The following MKKS variants were observed in gnomAD, a reference collection of about 807,000 sequenced individuals.
MKKS encodes the protein molecular chaperone MKKS.
MKKS carries 29 observed loss-of-function variants against 33.2 expected under a neutral mutation model. The observed-to-expected ratio is 0.87, with a 90% CI of 0.65 to 1.19. The LOEUF (loss-of-function observed/expected upper bound fraction) is 1.19, where lower values mean the gene tolerates loss of function less well. Among genes scored for constraint, MKKS ranks in the 50% most tolerant of loss-of-function variants. MKKS has a pLI of 0.00. For missense variants in MKKS, 661 were observed against 662.3 expected (o/e 1.00, Z 0.02); for synonymous variants, 260 against 244.0 (o/e 1.07, Z -0.61).
In MKKS at chr20:10,404,005, T is replaced by C. The variant is rs988891072; in HGVS notation, c.*1242A>G. ...CTCTTTATCATGGCTATAGATCTGA[T>C]CATTGACTATTAGGTTGGTTTGTTT... On this transcript the variant is annotated 3_prime_UTR_variant, in exon 6 of 6. Transcript: ENST00000347364. The C allele has an allele frequency of 6.6e-6, 1 of 152,200 alleles. No individual in the cohort carries two copies. Among genetic ancestry groups the C allele is most frequent in the Admixed American group, 6.5e-5 (1 of 15,278 alleles). 9.4% of individuals were successfully genotyped at this position (152,200 alleles called of 1,614,324 possible).
In MKKS at chr20:10,427,029, G is replaced by GACACACACACAGACACAC. The variant is rs1226255722; in HGVS notation, c.-648-6272_-648-6271insGTGTGTCTGTGTGTGTGT. On this transcript the variant is annotated intron_variant, in intron 1 of 5. Coordinates refer to ENST00000347364, the MANE Select transcript of MKKS (RefSeq NM_170784.3). The stretch of plus-strand genomic sequence containing the variant: ...TTAAAGGCCAAGAAAAGAAAACACT[G>GACACACACACAGACACAC]ACACACACACACACACACACACACA... Among the ~76,000 whole-genome samples the GACACACACACAGACACAC allele has an allele frequency of 6.5e-3, 854 of 130,762 alleles. 13 individuals carry two copies. Among genetic ancestry groups the GACACACACACAGACACAC allele is most frequent in the African/African-American group, 9.6e-3 (310 of 32,284 alleles). 85.8% of individuals were successfully genotyped at this position (130,762 alleles called of 152,430 possible). A position where few individuals can be genotyped will look rare whatever the true frequency, so the allele number is the denominator to read the frequency against.
chr20:10,427,087 G>A (rs78489892), intron 1 of MKKS, among the ~76,000 whole-genome samples: 3 of 106,374 alleles, frequency 2.8e-5, no homozygotes, highest in Admixed American at 2.7e-4. Flanking sequence ...CACAAAGTAA[G>A]GTTAAGGGCA....
At chr20:10,432,688 C>G (rs1433242510) in intron 1 of MKKS, among the ~76,000 whole-genome samples, 1 of 147,758 alleles carries the variant, frequency 6.8e-6, no homozygotes, top group Admixed American at 6.9e-5. Flanking sequence ...CAAACTTCTC[C>G]GGAGGCTAAG....
rs201243884 is a variant in MKKS at position 10,412,886 on chromosome 20, A to G, written c.629T>C (p.Ile210Thr). The G allele has an allele frequency of 1.5e-5, 24 of 1,614,132 alleles. No homozygotes were observed. The East Asian group carries it at 2.9e-4, about 19-fold the overall frequency. The change falls in exon 3 of 6, where the codon ATA (isoleucine) becomes ACA (threonine). Residue 210 changes from isoleucine to threonine, a missense_variant. Transcript: ENST00000347364. ...LIVPLKGQRV[I>T]DSTVLPGILI... is the part of the protein sequence containing the mutation. ...TATCCCAGGTAATACAGTGGAATCT[A>G]TAACTCTTTGACCTTTTAAAGGTAC...
At chr20:10,421,785 T>C (rs1555802704) in intron 1 of MKKS, among the ~76,000 whole-genome samples, 1 of 151,406 alleles carries the variant, frequency 6.6e-6, no homozygotes, top group African/African-American at 2.4e-5. Flanking sequence ...AAAATATATA[T>C]ATATATATTT....
intron 1 of MKKS, among the ~76,000 whole-genome samples, chr20:10,422,852 C>T (rs2064990713): frequency 1.3e-5 from 2 of 151,874 alleles, no homozygotes; most frequent in Admixed American, 1.3e-4. Flanking sequence ...GCTGGGACTA[C>T]AGGTGCCCGC....
intron 1 of MKKS, among the ~76,000 whole-genome samples, chr20:10,428,187 T>C (rs568123279): frequency 3.3e-5 from 5 of 152,218 alleles, no homozygotes; most frequent in Non-Finnish European, 2.9e-5. Context: ...ACAATGGTTG[T>C]AGTGGTTTAT....
chr20:10,412,519 G>A lies in MKKS; in HGVS notation c.985+11C>T. 1 of 1,612,610 alleles carries A rather than the reference G, an allele frequency of 6.2e-7. No homozygotes were observed. ...TAACTGTAAGAGGCAAAAGCAAAGA[G>A]TGATTTTTACCTGTCATTTTAGTCA... On this transcript the variant is annotated intron_variant, in intron 3 of 5. Transcript: ENST00000347364.
chr20:10,403,363 T>G lies in MKKS; in HGVS notation c.*1884A>C, dbSNP rs1293171996. On this transcript the variant is annotated 3_prime_UTR_variant, in exon 6 of 6. Coordinates refer to ENST00000347364, the MANE Select transcript of MKKS (RefSeq NM_170784.3). ...GAAGTGAGATTATTGGGAACCATCT[T>G]AGAGGCTGCCTACCACATGCAAAAT... is the stretch of plus-strand genomic sequence containing the variant. 2 of 152,216 alleles carry G rather than the reference T, an allele frequency of 1.3e-5. No individual in the cohort carries two copies. The highest frequency in any genetic ancestry group is 4.8e-5 in the African/African-American group (2 of 41,430). 9.4% of individuals were successfully genotyped at this position (152,216 alleles called of 1,614,324 possible).
chr20:10,410,221 T>A (rs2064873096), intron 3 of MKKS, among the ~76,000 whole-genome samples: 1 of 152,168 alleles, frequency 6.6e-6, no homozygotes, highest in Non-Finnish European at 1.5e-5. Flanking sequence ...CTCTACTGCT[T>A]ATCAGCCACT....
chr20:10,428,910 G>C (rs1477214111), intron 1 of MKKS, among the ~76,000 whole-genome samples: 2 of 152,128 alleles, frequency 1.3e-5, no homozygotes, highest in Non-Finnish European at 2.9e-5. Flanking sequence ...TATTACCTGT[G>C]TTCCAGTCCC....
chr20:10,430,352 T>C (rs558522525), intron 1 of MKKS, among the ~76,000 whole-genome samples: 3 of 152,358 alleles, frequency 2.0e-5, no homozygotes, highest in African/African-American at 7.2e-5. Flanking sequence ...TTCAGTTCCA[T>C]TGTGTGTACA....
rs1019548228 is a variant in MKKS at position 10,417,207 on chromosome 20, C to T, written c.-417-3276G>A. Among the ~76,000 whole-genome samples, 5 of 146,860 alleles carry T rather than the reference C, an allele frequency of 3.4e-5. No individual in the cohort carries two copies. The East Asian group carries it at 1.0e-3, about 30-fold the overall frequency. ...CAGAGGTTGCAGTGAGCCGACATCACCCAACTGCAGCCTGGGTGACAGAGT... is the reference window on the plus strand; with the variant it reads ...CAGAGGTTGCAGTGAGCCGACATCATCCAACTGCAGCCTGGGTGACAGAGT... On this transcript the variant is annotated intron_variant, in intron 2 of 5. Coordinates refer to ENST00000347364, the MANE Select transcript of MKKS (RefSeq NM_170784.3).
chr20:10,411,955 T>C (rs768602238), intron 3 of MKKS, among the ~76,000 whole-genome samples: 4 of 152,200 alleles, frequency 2.6e-5, no homozygotes, highest in Non-Finnish European at 4.4e-5. Flanking sequence ...ACAAACACTT[T>C]AGAACACCCA....
At chr20:10,425,535 A>G (rs1043337462) in intron 1 of MKKS, among the ~76,000 whole-genome samples, 1 of 152,278 alleles carries the variant, frequency 6.6e-6, no homozygotes, top group African/African-American at 2.4e-5. Context: ...AGAAGCAGAC[A>G]GACTGGGAGA....
intron 2 of MKKS, among the ~76,000 whole-genome samples, chr20:10,417,671 T>TA (rs5840374): frequency 6.6e-5 from 10 of 150,512 alleles, no homozygotes; most frequent in East Asian, 3.9e-4. Flanking sequence ...GCCTTCTCTG[T>TA]AAAAAAAAAA....
chr20:10,424,588 A>G (rs918220795), intron 1 of MKKS, among the ~76,000 whole-genome samples: 1 of 152,210 alleles, frequency 6.6e-6, no homozygotes, highest in Non-Finnish European at 1.5e-5. Flanking sequence ...TTTACAAAAA[A>G]AAAAATAGTT....
Position 10,412,698 on chromosome 20 carries a change from A to G in MKKS, c.817T>C (p.Leu273=). 1.2e-6 allele frequency: 2 copies of G among 1,614,172 alleles called. No individual in the cohort carries two copies. The highest frequency in any genetic ancestry group is 1.7e-6 in the Non-Finnish European group (2 of 1,180,032). ...CTTCCTAGGTTAAGCAGCTGGTCCA[A>G]GACTGCATTTTCAAGAGAAACCCCA... The part of the protein sequence containing the change: ...SYGVSLENAV[L]DQLLNLGRQL... Residue 273 remains leucine (L), a synonymous_variant, in exon 3 of 6, where the codon TTG becomes CTG. Transcript: ENST00000347364.
intron 1 of MKKS, among the ~76,000 whole-genome samples, chr20:10,425,746 T>C (rs1211676152): frequency 1.3e-5 from 2 of 152,216 alleles, no homozygotes; most frequent in African/African-American, 4.8e-5. Context: ...AAGTTAGTGT[T>C]TGATGCTCAT....
Sources: allele counts gnomAD v4.1 joint callset (sites outside exome capture counted in the v4.1 genomes callset), GRCh38; gene constraint gnomAD v4.1.1; transcripts MANE v1.5; gene names NCBI Gene and HGNC (gene_info 2026-07-23, HGNC 2026-07-21).